KLHL7: variants seen among roughly 807,000 people sequenced by gnomAD.
KLHL7 encodes the protein kelch like family member 7.
KLHL7 carries 44 observed loss-of-function variants against 67.4 expected under a neutral mutation model. That is an observed-to-expected ratio of 0.65 (90% CI 0.51 to 0.84). KLHL7 has a LOEUF of 0.84. KLHL7 is among the 40% of genes least tolerant of loss of function. KLHL7 has a pLI of 0.00. For missense variants in KLHL7, 362 were observed against 718.1 expected (o/e 0.50, Z 5.67); for synonymous variants, 252 against 243.3 (o/e 1.04, Z -0.33).
chr7:23,116,709 A>G (rs1783104372), intron 1 of KLHL7, among the ~76,000 whole-genome samples: 1 of 152,120 alleles, frequency 6.6e-6, no homozygotes, highest in African/African-American at 2.4e-5. Context: ...AGCCGTCACT[A>G]CTCTCAGAAA....
chr7:23,157,018 G>C (rs954259767), intron 7 of KLHL7, among the ~76,000 whole-genome samples: 2 of 152,076 alleles, frequency 1.3e-5, no homozygotes, highest in Admixed American at 1.3e-4. Flanking sequence ...TATCATAGCC[G>C]CCTTCCCTCT....
In KLHL7 at chr7:23,144,006, A is replaced by G; in HGVS notation, c.774A>G (p.Glu258=). The change falls in exon 6 of 11, where the codon GAA becomes GAG. Residue 258 remains glutamate, a synonymous_variant. Transcript: ENST00000339077. The part of the protein sequence containing the change: ...QAEPLIQDNP[E]CLKMVISGMR... ...AACCACTTATTCAAGACAATCCTGA[A>G]TGCCTTAAGATGGTGATAAGTAAGT... The G allele has an allele frequency of 6.2e-7, 1 of 1,613,720 alleles. No homozygotes were observed. The highest frequency in any genetic ancestry group is 8.5e-7 in the Non-Finnish European group (1 of 1,179,900).
chr7:23,137,964 T>C (rs1005851036), intron 4 of KLHL7, among the ~76,000 whole-genome samples: 1 of 146,864 alleles, frequency 6.8e-6, no homozygotes, highest in Non-Finnish European at 1.5e-5. Context: ...CCACTTGAGG[T>C]CGGGAGTTCG....
chr7:23,111,395 G>A (rs1048718008), intron 1 of KLHL7, among the ~76,000 whole-genome samples: 8 of 152,226 alleles, frequency 5.3e-5, no homozygotes, highest in Admixed American at 3.9e-4. Flanking sequence ...AACTGGCGAA[G>A]TAGCTAGAGA....
intron 4 of KLHL7, among the ~76,000 whole-genome samples, chr7:23,130,516 A>G (rs961049207): frequency 6.6e-6 from 1 of 152,218 alleles, no homozygotes; most frequent in African/African-American, 2.4e-5. Context: ...ATATGGGAAT[A>G]TATTACTTTA....
At chr7:23,106,507 G>T (rs1233196177) in intron 1 of KLHL7, 3 of 1,148,180 alleles carry the variant, frequency 2.6e-6, no homozygotes, top group African/African-American at 1.6e-5. Context: ...GAGATCTTGT[G>T]TGAAGAAACC....
chr7:23,131,603 T>G (rs1019813688), intron 4 of KLHL7, among the ~76,000 whole-genome samples: 2 of 152,170 alleles, frequency 1.3e-5, no homozygotes, highest in African/African-American at 4.8e-5. Flanking sequence ...GAATGGGGTA[T>G]CCATCCCCTC....
intron 6 of KLHL7, among the ~76,000 whole-genome samples, chr7:23,145,447 CT>C (rs1383615060): frequency 1.3e-5 from 2 of 151,964 alleles, no homozygotes; most frequent in East Asian, 1.9e-4. Flanking sequence ...TTAGAGTTTC[CT>C]TTTCCTTTTT....
Position 23,125,689 on chromosome 7 carries a change from T to C in KLHL7, c.442+517T>C, listed in dbSNP as rs151150053. On this transcript the variant is annotated intron_variant, in intron 4 of 10. Coordinates refer to ENST00000339077, the MANE Select transcript of KLHL7 (RefSeq NM_001031710.3). ...AGAAAACATAACCTTAGTCTATAAA[T>C]TAAGATACTAACTGAGGGACTGCTA... 1,341 of 1,415,820 alleles carry C rather than the reference T, an allele frequency of 9.5e-4. 10 individuals are homozygous for C. In the African/African-American group the frequency reaches 0.016, roughly 17 times the overall value. 87.7% of individuals were successfully genotyped at this position (1,415,820 alleles called of 1,614,324 possible). A position where few individuals can be genotyped will look rare whatever the true frequency, so the allele number is the denominator to read the frequency against.
Position 23,125,115 on chromosome 7 carries a change from G to T in KLHL7, c.385G>T (p.Val129Leu). Reference protein sequence around the residue: ...DAANQYQIEPVKKMCVDFLKE... With the variant: ...DAANQYQIEPLKKMCVDFLKE... ...AGCAAACCAATATCAGATTGAACCT[G>T]TGAAGAAAATGTGTGTTGATTTTTT... Residue 129 changes from valine (V) to leucine (L), a missense_variant, in exon 4 of 11, where the codon GTG becomes TTG. This residue lies in a region of KLHL7 where 155 missense variants were observed against 280.8 expected (regional missense o/e 0.55). Transcript: ENST00000339077. 6.2e-7 allele frequency: 1 copy of T among 1,613,200 alleles called. No homozygotes were observed. Among genetic ancestry groups the T allele is most frequent in the East Asian group, 2.2e-5 (1 of 44,810 alleles).
intron 7 of KLHL7, among the ~76,000 whole-genome samples, chr7:23,152,606 A>G (rs1392873446): frequency 6.6e-6 from 1 of 152,178 alleles, no homozygotes; most frequent in Non-Finnish European, 1.5e-5. Flanking sequence ...TAGTCATTCT[A>G]GAATATTTGG....
chr7:23,107,959 G>T (rs1782712626), intron 1 of KLHL7, among the ~76,000 whole-genome samples: 1 of 152,238 alleles, frequency 6.6e-6, no homozygotes, highest in African/African-American at 2.4e-5. Context: ...GACCGAGAAT[G>T]ACTGACAAGG....
At chr7:23,127,259 A>G (rs1478962089) in intron 4 of KLHL7, among the ~76,000 whole-genome samples, 1 of 152,188 alleles carries the variant, frequency 6.6e-6, no homozygotes, top group East Asian at 1.9e-4. Flanking sequence ...ACCTGGAGTG[A>G]GTCTGTGCTA....
intron 4 of KLHL7, chr7:23,125,964 A>G (rs1384628177): frequency 1.1e-6 from 1 of 877,688 alleles, no homozygotes; most frequent in Non-Finnish European, 1.8e-6. Flanking sequence ...TTTATGATAC[A>G]TACATGCCTA....
intron 10 of KLHL7, among the ~76,000 whole-genome samples, 161 bp downstream of exon 10, chr7:23,173,206 G>A (rs551695559): frequency 9.2e-5 from 14 of 152,046 alleles, no homozygotes; most frequent in South Asian, 4.2e-4. Context: ...ATAAAATATC[G>A]CAGGATGTTA....
chr7:23,128,021 T>G (rs1237761141), intron 4 of KLHL7, among the ~76,000 whole-genome samples: 1 of 150,950 alleles, frequency 6.6e-6, no homozygotes, highest in East Asian at 1.9e-4. Flanking sequence ...TCCAAGCTAC[T>G]CCAGAGGCTG....
chr7:23,177,759 A>AAAAAC lies in KLHL7; in HGVS notation c.*3473_*3477dup. ...CTTAAAAAAATTGTTGCTATTTGAA[A>AAAAAC]AAAACAAAACAAAACATATACTTGT... On this transcript the variant is annotated 3_prime_UTR_variant, in exon 11 of 11. Coordinates refer to ENST00000339077, the MANE Select transcript of KLHL7 (RefSeq NM_001031710.3). 1 of 152,330 alleles carries AAAAAC rather than the reference A, an allele frequency of 6.6e-6. No homozygotes were observed. The highest frequency in any genetic ancestry group is 1.9e-4 in the East Asian group (1 of 5,196). 9.4% of individuals were successfully genotyped at this position (152,330 alleles called of 1,614,324 possible).
chr7:23,106,345 C>T (rs189221276), intron 1 of KLHL7, 199 bp downstream of exon 1: 41 of 1,424,958 alleles, frequency 2.9e-5, no homozygotes, highest in Non-Finnish European at 3.7e-5. Context: ...AAGTGCTTCT[C>T]GTCTGCCGAG....
rs1784156438 is a variant in KLHL7 at position 23,140,788 on chromosome 7, G to A, written c.462G>A (p.Glu154=). The change falls in exon 5 of 11, where the codon GAG becomes GAA. Residue 154 remains glutamate, a synonymous_variant. Transcript: ENST00000339077. ...SNCLGISVLA[E]CLDCPELKAT... ...GTTTAGGTATAAGTGTGCTAGCGGA[G>A]TGTCTAGATTGTCCTGAATTGAAAG... 2 of 1,613,742 alleles carry A rather than the reference G, an allele frequency of 1.2e-6. No homozygotes were observed. Among genetic ancestry groups the A allele is most frequent in the Non-Finnish European group, 1.7e-6 (2 of 1,179,846 alleles).
Sources: gnomAD v4.1 joint callset for allele counts (sites outside exome capture counted in the v4.1 genomes callset) on GRCh38, gnomAD v4.1.1 for gene constraint, gnomAD v4.1.1 regional missense constraint, MANE v1.5 for transcripts, NCBI Gene and HGNC (gene_info 2026-07-23, HGNC 2026-07-21) for gene names.